MAPK10: variants seen among roughly 807,000 people sequenced by gnomAD.
MAPK10 encodes the protein mitogen-activated protein kinase 10.
In MAPK10, 25 loss-of-function variants were observed where a neutral mutation model predicts 59.3. The observed-to-expected ratio is 0.42, with a 90% CI of 0.31 to 0.59. The LOEUF is 0.59. Ranked by LOEUF, MAPK10 falls within the 20% of genes least tolerant of loss-of-function variation. The probability of loss-of-function intolerance (pLI) is 0.15; values close to 1 mark genes in which losing one functional copy is unlikely to be tolerated. For synonymous variants in MAPK10, 190 were observed against 200.5 expected (o/e 0.95, Z 0.44); for missense variants, 351 against 568.9 (o/e 0.62, Z 3.90).
At chr4:86,487,941 G>A (rs564238492) in intron 1 of MAPK10, among the ~76,000 whole-genome samples, 1 of 152,242 alleles carries the variant, frequency 6.6e-6, no homozygotes, top group South Asian at 2.1e-4. Flanking sequence ...GTCTGAGAGA[G>A]AGAGATTATT....
intron 2 of MAPK10, among the ~76,000 whole-genome samples, chr4:86,207,563 G>C (rs934078298): frequency 1.3e-5 from 2 of 152,118 alleles, no homozygotes; most frequent in African/African-American, 4.8e-5. Flanking sequence ...CTTTAAAGTA[G>C]TTTTTTCCAA....
intron 2 of MAPK10, among the ~76,000 whole-genome samples, chr4:86,252,043 T>C (rs1250813584): frequency 8.4e-6 from 1 of 118,576 alleles, no homozygotes; most frequent in Non-Finnish European, 1.6e-5. Flanking sequence ...TGTAAATTTG[T>C]TTGAGTTCAT....
chr4:86,150,132 G>A (rs957410345), intron 4 of MAPK10, among the ~76,000 whole-genome samples: 3 of 152,224 alleles, frequency 2.0e-5, no homozygotes, highest in African/African-American at 4.8e-5. Context: ...TAAAAGGAAT[G>A]AAATGTCTTT....
Position 86,511,443 on chromosome 4 carries a change from G to A in MAPK10, c.-263+82467C>T, listed in dbSNP as rs1344027180. On this transcript the variant is annotated intron_variant, in intron 1 of 4. Coordinates refer to the MAPK10 transcript ENST00000502302. ...CAGCTGGGTGTGGTGGCACATTCCT[G>A]TAATCCCAGCTACTCAGGAGGCAGA... 2.6e-5 allele frequency among the ~76,000 whole-genome samples: 4 copies of A among 152,240 alleles called. No individual in the cohort carries two copies. The East Asian group carries it at 7.7e-4, about 29-fold the overall frequency.
intron 1 of MAPK10, among the ~76,000 whole-genome samples, chr4:86,445,511 A>G (rs1311655044): frequency 6.6e-6 from 1 of 152,210 alleles, no homozygotes; most frequent in Non-Finnish European, 1.5e-5. Context: ...ACCATGGCAC[A>G]CATTTACCTA....
intron 1 of MAPK10, among the ~76,000 whole-genome samples, chr4:86,392,008 T>C (rs1047209956): frequency 6.6e-6 from 1 of 152,176 alleles, no homozygotes; most frequent in African/African-American, 2.4e-5. Context: ...TCAGGACCAA[T>C]AAGCTCAATT....
At position 86,029,448 on chromosome 4, in the gene MAPK10, G is replaced by A. The variant is rs376998590; in HGVS notation, c.1175-174C>T. On this transcript the variant is annotated intron_variant, in intron 12 of 13. Transcript: ENST00000641462. ...TATATTGCCTTGTAATTAGCAGAGAGCCTGGCACAAATAGGTATCTAGTAA... is the reference window on the plus strand; with the variant it reads ...TATATTGCCTTGTAATTAGCAGAGAACCTGGCACAAATAGGTATCTAGTAA... Among the ~76,000 whole-genome samples, 6 of 152,172 alleles carry A rather than the reference G, an allele frequency of 3.9e-5. No homozygotes were observed. The East Asian group carries it at 7.7e-4, about 20-fold the overall frequency.
At chr4:86,443,732 A>G (rs999611065) in intron 1 of MAPK10, among the ~76,000 whole-genome samples, 1 of 152,216 alleles carries the variant, frequency 6.6e-6, no homozygotes, top group Non-Finnish European at 1.5e-5. Flanking sequence ...TCCAGGGCAC[A>G]CTAAAAGGCA....
At chr4:86,078,131 C>T (rs1418882244) in intron 9 of MAPK10, among the ~76,000 whole-genome samples, 1 of 152,144 alleles carries the variant, frequency 6.6e-6, no homozygotes, top group African/African-American at 2.4e-5. Flanking sequence ...TAATTGTAAT[C>T]AAGGATGGGA....
chr4:86,233,688 C>G (rs1374618235), intron 2 of MAPK10, among the ~76,000 whole-genome samples: 5 of 152,192 alleles, frequency 3.3e-5, no homozygotes, highest in Admixed American at 3.3e-4. Context: ...CCACCTAGGA[C>G]AGCAGACTGT....
intron 2 of MAPK10, among the ~76,000 whole-genome samples, chr4:86,218,851 AG>A (rs1378282446): frequency 6.6e-6 from 1 of 152,206 alleles, no homozygotes; most frequent in Non-Finnish European, 1.5e-5. Context: ...ACTGATTTGT[AG>A]GGAAGAGGGC....
intron 11 of MAPK10, among the ~76,000 whole-genome samples, chr4:86,058,606 G>A (rs1032689707): frequency 3.3e-5 from 5 of 149,594 alleles, no homozygotes; most frequent in Admixed American, 6.6e-5. Context: ...TAGCTCTCAG[G>A]TTGGTAGTGG....
chr4:86,424,441 C>T (rs1746998674), intron 1 of MAPK10, among the ~76,000 whole-genome samples: 1 of 152,118 alleles, frequency 6.6e-6, no homozygotes, highest in South Asian at 2.1e-4. Flanking sequence ...CTGCTCCCCT[C>T]GCCTCCCAAA....
intron 11 of MAPK10, among the ~76,000 whole-genome samples, chr4:86,044,309 G>A (rs1161494085): frequency 1.3e-5 from 2 of 152,080 alleles, no homozygotes; most frequent in African/African-American, 4.8e-5. Context: ...AATCATCTGG[G>A]AGTTTTAAAA....
At chr4:86,341,831 A>AAC (rs935019015) in intron 2 of MAPK10, among the ~76,000 whole-genome samples, 34 of 66,786 alleles carry the variant, frequency 5.1e-4, no homozygotes, top group African/African-American at 1.3e-3. Context: ...AAAAAAAAAA[A>AAC]AAACACCGGC....
At chr4:86,244,500 G>A (rs1178526239) in intron 2 of MAPK10, among the ~76,000 whole-genome samples, 1 of 152,120 alleles carries the variant, frequency 6.6e-6, no homozygotes, top group Non-Finnish European at 1.5e-5. Flanking sequence ...ATTTAATGAT[G>A]CATCAAATGA....
chr4:86,329,621 T>C (rs2148910533), intron 2 of MAPK10, among the ~76,000 whole-genome samples: 1 of 152,284 alleles, frequency 6.6e-6, no homozygotes, highest in South Asian at 2.1e-4. Flanking sequence ...AGTGTGACTT[T>C]TCTCTGCCTG....
intron 4 of MAPK10, among the ~76,000 whole-genome samples, chr4:86,135,210 T>C (rs575021825): frequency 2.4e-4 from 37 of 152,354 alleles, no homozygotes; most frequent in African/African-American, 8.7e-4. Context: ...TGCCTGCCTC[T>C]GGAGGCTCCA....
intron 4 of MAPK10, among the ~76,000 whole-genome samples, chr4:86,110,733 A>G (rs148916416): frequency 0.013 from 1,914 of 152,180 alleles, 41 homozygotes; most frequent in African/African-American, 0.044. Flanking sequence ...TTGGTTCCAT[A>G]TGATTTTTTA....
Sources: allele counts gnomAD v4.1 joint callset (sites outside exome capture counted in the v4.1 genomes callset), GRCh38; gene constraint gnomAD v4.1.1; transcripts MANE v1.5; gene names NCBI Gene and HGNC (gene_info 2026-07-23, HGNC 2026-07-21).